Variants in ZNF273 observed in about 807,000 individuals in gnomAD.
ZNF273 encodes zinc finger protein 273.
Under a neutral mutation model 14.9 loss-of-function variants are expected in ZNF273, and 11 were observed. The observed-to-expected ratio is 0.74, with a 90% CI of 0.46 to 1.22. The LOEUF (loss-of-function observed/expected upper bound fraction) is 1.22, where lower values mean the gene tolerates loss of function less well. Ranked by LOEUF, ZNF273 falls within the 50% of genes most tolerant of loss-of-function variation. The pLI is 0.00. For missense variants in ZNF273, 577 were observed against 660.6 expected, an observed-to-expected ratio of 0.87 and a Z score of 1.39; for synonymous variants, 199 against 223.9, an observed-to-expected ratio of 0.89 and a Z score of 0.99.
chr7:64,900,158 G>A (rs183524755), upstream of ZNF273, among the ~76,000 whole-genome samples: 1 of 146,308 alleles, frequency 6.8e-6, no homozygotes, highest in African/African-American at 2.5e-5. Context: ...ACCAAGTCTC[G>A]CTCTGTCACC....
chr7:64,878,701 C>T lies in ZNF273; in HGVS notation n.330+206C>T, dbSNP rs188755633. ...GAGCCCAAACTGTGGCCTCTCTGGC[C>T]GGCTCTTCCTTTGGACTTTCATTCC... On this transcript the variant is annotated intron_variant and non_coding_transcript_variant, in intron 2 of 2. Transcript: ENST00000465954. Among the ~76,000 whole-genome samples the T allele has an allele frequency of 3.3e-5, 5 of 152,348 alleles. No individual in the cohort carries two copies. In the East Asian group the frequency reaches 9.7e-4, roughly 29 times the overall value.
chr7:64,917,356 TATC>T (rs1176895932), intron 1 of ZNF273, among the ~76,000 whole-genome samples: 12 of 152,350 alleles, frequency 7.9e-5, no homozygotes, highest in African/African-American at 2.6e-4. Context: ...TCTAGAAAAG[TATC>T]ATATATAAAC....
At chr7:64,884,753 G>C (rs912246982) in intron 1 of ZNF273, among the ~76,000 whole-genome samples, 3 of 152,134 alleles carry the variant, frequency 2.0e-5, no homozygotes, top group Non-Finnish European at 4.4e-5. Flanking sequence ...AGACTCTTTC[G>C]GGAATGGAGT....
chr7:64,911,884 A>G (rs1286689856), intron 1 of ZNF273, among the ~76,000 whole-genome samples: 2 of 152,150 alleles, frequency 1.3e-5, no homozygotes, highest in African/African-American at 2.4e-5. Context: ...TTTCCCTCTT[A>G]ACACTGCCTC....
upstream of ZNF273, among the ~76,000 whole-genome samples, chr7:64,899,764 T>G (rs1355848873): frequency 3.3e-5 from 5 of 151,556 alleles, no homozygotes. Context: ...TTTCAAGGTT[T>G]TTTTTTTTTT....
chr7:64,927,884 G>T lies in ZNF273; in HGVS notation c.556G>T (p.Val186Phe). The change falls in exon 4 of 4, where the codon GTC (valine) becomes TTC (phenylalanine). Residue 186 changes from valine to phenylalanine, a missense_variant. Coordinates refer to ENST00000476120, the MANE Select transcript of ZNF273 (RefSeq NM_021148.3). ...KIFQCDKYVK[V>F]LHKFSNSNIH... ...ATTTCAATGTGATAAATATGTTAAA[G>T]TCCTTCATAAATTCTCAAATTCAAA... is the stretch of plus-strand genomic sequence containing the variant. 6.2e-7 allele frequency: 1 copy of T among 1,613,702 alleles called. No homozygotes were observed. Among genetic ancestry groups the T allele is most frequent in the Non-Finnish European group, 8.5e-7 (1 of 1,179,836 alleles).
chr7:64,880,447 G>A (rs915044330), downstream of ZNF273, among the ~76,000 whole-genome samples: 2 of 152,108 alleles, frequency 1.3e-5, no homozygotes, highest in Non-Finnish European at 2.9e-5. Context: ...AGAAACTGCC[G>A]GGCTGGGTGT....
rs576660055 is a variant in ZNF273 at position 64,888,306 on chromosome 7, G to A, written n.274-267G>A. 7.0e-5 allele frequency: 69 copies of A among 985,320 alleles called. No homozygotes were observed. The African/African-American group carries it at 1.1e-3, about 16-fold the overall frequency. 61.0% of individuals were successfully genotyped at this position (985,320 alleles called of 1,614,324 possible). ...GGTCCTTCCTCCTGTGAGCTCCGTGGCCTCGCACAGGCTGCTCAACACCTC... is the reference window on the plus strand; with the variant it reads ...GGTCCTTCCTCCTGTGAGCTCCGTGACCTCGCACAGGCTGCTCAACACCTC... On this transcript the variant is annotated intron_variant and non_coding_transcript_variant, in intron 1 of 1. Coordinates refer to the ZNF273 transcript ENST00000471926.
intron 1 of ZNF273, among the ~76,000 whole-genome samples, chr7:64,907,058 A>G (rs1353264236): frequency 6.6e-6 from 1 of 152,210 alleles, no homozygotes; most frequent in Non-Finnish European, 1.5e-5. Flanking sequence ...GTTCAGACTG[A>G]GGGTAGCTCA....
chr7:64,920,606 C>T (rs992097646), intron 3 of ZNF273, among the ~76,000 whole-genome samples: 6 of 152,120 alleles, frequency 3.9e-5, no homozygotes, highest in African/African-American at 1.4e-4. Flanking sequence ...CTCAGTGAGA[C>T]CAAGTTGGGT....
chr7:64,924,208 G>C (rs1416179423), intron 3 of ZNF273: 1 of 152,014 alleles, frequency 6.6e-6, no homozygotes, highest in African/African-American at 2.4e-5. Context: ...TAAAATTTCA[G>C]TTCTAAAATA....
At chr7:64,903,194 G>A (rs181144143), upstream of ZNF273, 33 of 747,104 alleles carry the variant, frequency 4.4e-5, no homozygotes, top group Middle Eastern at 3.3e-4. Context: ...CTCCAATCAG[G>A]GACGCTGGGC....
Position 64,888,630 on chromosome 7 carries a change from G to A in ZNF273, n.331G>A, listed in dbSNP as rs187478727. The A allele has an allele frequency of 2.5e-3, 2,479 of 985,836 alleles. 45 individuals are homozygous for A. In the African/African-American group the frequency reaches 0.04, roughly 16 times the overall value. 61.1% of individuals were successfully genotyped at this position (985,836 alleles called of 1,614,324 possible). A position where few individuals can be genotyped will look rare whatever the true frequency, so the allele number is the denominator to read the frequency against. ...TCCACCACCCAGCAGGAGCGGGGCGGCCTGGATCTGTTTTCTGCCCCTGAC... is the reference window on the plus strand; with the variant it reads ...TCCACCACCCAGCAGGAGCGGGGCGACCTGGATCTGTTTTCTGCCCCTGAC... On this transcript the variant is annotated non_coding_transcript_exon_variant, in exon 2 of 2. Coordinates refer to the ZNF273 transcript ENST00000471926.
rs533718968 is a variant in ZNF273, at chr7:64,918,272, C to T, written c.305C>T (p.Ala102Val). Reference protein sequence around the residue: ...GKEPCNMKRHAMVAKPPVVCS... With the variant: ...GKEPCNMKRHVMVAKPPVVCS... ...GAGCCCTGCAATATGAAGAGACATG[C>T]GATGGTAGCCAAACCCCCAGGTAGG... The change falls in exon 3 of 4, where the codon GCG becomes GTG. Residue 102 changes from alanine to valine, a missense_variant. Ala to Val is a moderately conservative substitution (Grantham distance 64). Around this residue, in one of 3 missense-constraint regions of ZNF273, gnomAD observed 162 missense variants for 203.5 expected, o/e 0.80. Coordinates refer to ENST00000476120, the MANE Select transcript of ZNF273 (RefSeq NM_021148.3). The T allele has an allele frequency of 1.5e-5, 24 of 1,562,748 alleles. No individual in the cohort carries two copies. The highest frequency in any genetic ancestry group is 1.4e-4 in the South Asian group (13 of 90,294).
intron 1 of ZNF273, among the ~76,000 whole-genome samples, chr7:64,911,550 A>G (rs1210565080): frequency 6.6e-6 from 1 of 152,188 alleles, no homozygotes; most frequent in African/African-American, 2.4e-5. Flanking sequence ...GGTGTGAGCC[A>G]CTGTGCCTGG....
chr7:64,915,922 A>G (rs914147066), intron 1 of ZNF273, among the ~76,000 whole-genome samples: 2 of 151,824 alleles, frequency 1.3e-5, no homozygotes, highest in African/African-American at 4.9e-5. Flanking sequence ...ATGGCCAGGC[A>G]TGATGGTTCA....
chr7:64,909,316 C>T (rs913993179), intron 1 of ZNF273, among the ~76,000 whole-genome samples: 1 of 152,106 alleles, frequency 6.6e-6, no homozygotes, highest in African/African-American at 2.4e-5. Flanking sequence ...CCTCCACCAC[C>T]CAGGCTCGAG....
intron 3 of ZNF273, among the ~76,000 whole-genome samples, chr7:64,921,065 C>CT (rs150789090): frequency 1.3e-4 from 20 of 149,434 alleles, no homozygotes; most frequent in African/African-American, 3.4e-4. Flanking sequence ...ATTTATTTTT[C>CT]TTTTTTTTTT....
At chr7:64,896,567 T>G (rs377501516) in intron 3 of ZNF273, among the ~76,000 whole-genome samples, 7 of 152,070 alleles carry the variant, frequency 4.6e-5, no homozygotes, top group South Asian at 2.1e-4. Context: ...ATCTTTGAAA[T>G]ATAAATGATT....
Sources: allele counts gnomAD v4.1 joint callset (sites outside exome capture counted in the v4.1 genomes callset), GRCh38; gene constraint gnomAD v4.1.1; regional missense constraint gnomAD v4.1.1; transcripts MANE v1.5; gene names NCBI Gene and HGNC (gene_info 2026-07-23, HGNC 2026-07-21).